Variants in MYH8 observed in about 807,000 individuals in gnomAD.
MYH8 encodes myosin-8.
In MYH8, 168 loss-of-function variants were observed where a neutral mutation model predicts 233.2. The ratio of observed to expected loss-of-function variants is 0.72; its 90% confidence interval spans 0.64 to 0.82. The LOEUF (loss-of-function observed/expected upper bound fraction) is 0.82. Ranked by LOEUF, MYH8 falls within the 40% of genes least tolerant of loss-of-function variation. The probability of loss-of-function intolerance (pLI) is 0.00; values close to 1 mark genes in which losing one functional copy is unlikely to be tolerated. For missense variants in MYH8, 1,995 were observed against 2,327.8 expected, an observed-to-expected ratio of 0.86 and a Z score of 2.94; for synonymous variants, 785 against 850.6, an observed-to-expected ratio of 0.92 and a Z score of 1.34.
chr17:10,415,132 A>G lies in MYH8; in HGVS notation c.789T>C (p.Ser263=), dbSNP rs1412084273. 1 of 1,613,024 alleles carries G rather than the reference A, an allele frequency of 6.2e-7. No individual in the cohort carries two copies. The highest frequency in any genetic ancestry group is 1.7e-5 in the Admixed American group (1 of 60,012). The part of the protein sequence containing the change: ...IHFGTTGKLA[S]ADIETYLLEK... ...GTTACTCACATGTTTCTATATCAGCAGATGCCAGCTTCCCTGTAGTACCAA... is the reference window on the plus strand; with the variant it reads ...GTTACTCACATGTTTCTATATCAGCGGATGCCAGCTTCCCTGTAGTACCAA... The change falls in exon 9 of 40, where the codon TCT becomes TCC. Residue 263 remains serine (S), a synonymous_variant. Coordinates refer to ENST00000403437, the MANE Select transcript of MYH8 (RefSeq NM_002472.3). This position sits in a 1 kb window ranked among gnomAD's most constrained non-coding sequence, Gnocchi z 4.1.
intron 5 of MYH8, among the ~76,000 whole-genome samples, chr17:10,416,033 C>T (rs1198886793): frequency 6.6e-6 from 1 of 152,044 alleles, no homozygotes; most frequent in Non-Finnish European, 1.5e-5. Context: ...GTAAAATCAT[C>T]ATCACCCTTC....
Position 10,390,583 on chromosome 17 carries a change from A to G in MYH8, c.5685T>C (p.Asn1895=), listed in dbSNP as rs745687127. 5.0e-6 allele frequency: 8 copies of G among 1,614,134 alleles called. No homozygotes were observed. In the South Asian group the frequency reaches 7.7e-5, roughly 16 times the overall value. ...GCTGGAGTTTGCGGAATTTAGATAGATTAGCATTGGATTGTTCCTCCTAAG... is the reference window on the plus strand; with the variant it reads ...GCTGGAGTTTGCGGAATTTAGATAGGTTAGCATTGGATTGTTCCTCCTAAG... ...AEEAEEQSNA[N]LSKFRKLQHE... Residue 1895 remains asparagine, a synonymous_variant, in exon 40 of 40, where the codon AAT becomes AAC. Transcript: ENST00000403437.
rs749257514 is a variant in MYH8, at chr17:10,412,643, A to C, written c.1233T>G (p.Asn411Lys). 1 of 1,614,120 alleles carries C rather than the reference A, an allele frequency of 6.2e-7. No individual in the cohort carries two copies. The highest frequency in any genetic ancestry group is 1.3e-5 in the African/African-American group (1 of 74,942). The change falls in exon 13 of 40, where the codon AAT becomes AAG. Residue 411 changes from asparagine to lysine, a missense_variant. Physicochemically the swap from Asn to Lys is moderately conservative, Grantham distance 94. Around this residue, in one of 3 missense-constraint regions of MYH8, gnomAD observed 479 missense variants for 600.9 expected, o/e 0.80. Transcript: ENST00000403437. ...CAGTCTGGCCTTTGGTGACATACTC[A>C]TTGCCAACCTTGACCCTAGGGTAGC... ...ALCYPRVKVG[N>K]EYVTKGQTVQ...
chr17:10,404,644 C>A (rs1379278121), intron 21 of MYH8, 59 bp from the exon 22 acceptor site: 1 of 1,601,200 alleles, frequency 6.2e-7, no homozygotes, highest in African/African-American at 1.3e-5. Context: ...GTTATTGTTA[C>A]TTATCACACA....
At chr17:10,394,062 C>T (rs1021226766) in intron 35 of MYH8, among the ~76,000 whole-genome samples, 187 bp downstream of exon 35, 28 of 71,776 alleles carry the variant, frequency 3.9e-4, no homozygotes, top group Non-Finnish European at 6.8e-4. Flanking sequence ...GGAACACACA[C>T]CAAAAAAACA....
In MYH8 at chr17:10,401,103, T is replaced by C; in HGVS notation, c.3197A>G (p.Gln1066Arg). 1 of 1,614,248 alleles carries C rather than the reference T, an allele frequency of 6.2e-7. No homozygotes were observed. Among genetic ancestry groups the C allele is most frequent in the East Asian group, 2.2e-5 (1 of 44,888 alleles). ...ATTTTCCATATCCATTGTGGATTCT[T>C]GGGCCAATTTGAGGTCACCCTCCAG... ...RKLEGDLKLA[Q>R]ESTMDMENDK... Residue 1066 changes from glutamine to arginine, a missense_variant, in exon 25 of 40, where the codon CAA (glutamine) becomes CGA (arginine). Around this residue, in one of 3 missense-constraint regions of MYH8, gnomAD observed 1,498 missense variants for 1,680.9 expected, o/e 0.89. Transcript: ENST00000403437.
At chr17:10,405,760 T>C (rs779080362) in intron 21 of MYH8, among the ~76,000 whole-genome samples, 7 of 152,114 alleles carry the variant, frequency 4.6e-5, no homozygotes, top group Non-Finnish European at 1.0e-4. Context: ...AGGTGGGGAA[T>C]AGAGAGGGCC....
intron 12 of MYH8, among the ~76,000 whole-genome samples, chr17:10,413,445 A>G (rs188080468): frequency 2.6e-5 from 4 of 152,240 alleles, no homozygotes; most frequent in Admixed American, 2.6e-4. Flanking sequence ...CTTGCTGCCT[A>G]TATTGTCTAT....
intron 37 of MYH8, 63 bp downstream of exon 37, chr17:10,392,768 G>A: frequency 1.2e-6 from 2 of 1,614,078 alleles, no homozygotes; most frequent in Non-Finnish European, 1.7e-6. Context: ...TGTGTAGGAA[G>A]AGAGAAGGGT....
chr17:10,394,564 G>A (rs1246201122), intron 34 of MYH8, 112 bp from the exon 35 acceptor site: 1 of 1,311,154 alleles, frequency 7.6e-7, no homozygotes, highest in Non-Finnish European at 1.1e-6. Context: ...ACATATGCCT[G>A]TCATTTGAAT....
intron 35 of MYH8, among the ~76,000 whole-genome samples, chr17:10,393,603 T>A (rs2072049677): frequency 1.3e-5 from 2 of 152,242 alleles, no homozygotes; most frequent in Non-Finnish European, 2.9e-5. Flanking sequence ...TCTCTCTGAA[T>A]TTTTATGATT....
rs148707844 is a variant in MYH8, at chr17:10,409,163, A to G, written c.1899T>C (p.Asp633=). 1.5e-4 allele frequency: 240 copies of G among 1,614,088 alleles called. 1 individual carries two copies. The highest frequency in any genetic ancestry group is 3.5e-5 in the Non-Finnish European group (41 of 1,180,034). Reference sequence around the variant, plus strand: ...TCTTAGCACCTTTCTTCGCGCTGCTATCTGAGGTAAAAAGAAAACCCGTGA... The same window carrying G: ...TCTTAGCACCTTTCTTCGCGCTGCTGTCTGAGGTAAAAAGAAAACCCGTGA... ...LFSTYASAEA[D]SSAKKGAKKK... Residue 633 remains aspartate (D), a splice_region_variant and synonymous_variant, in exon 17 of 40, where the codon GAT becomes GAC. Transcript: ENST00000403437.
chr17:10,420,220 G>T lies in MYH8; in HGVS notation c.8C>A (p.Ala3Glu). The part of the protein sequence containing the change: MS[A>E]SSDAEMAVFG... ...AACAGCCATCTCAGCGTCTGAGCTC[G>T]CACTCATGGCTGCGATTTATTTAGC... Residue 3 changes from alanine to glutamate, a missense_variant, in exon 3 of 40, where the codon GCG becomes GAG. Ala to Glu is a moderately radical substitution (Grantham distance 107). Around this residue, in one of 3 missense-constraint regions of MYH8, gnomAD observed 479 missense variants for 600.9 expected, o/e 0.80. Transcript: ENST00000403437. 16 of 1,613,040 alleles carry T rather than the reference G, an allele frequency of 9.9e-6. No homozygotes were observed. Among genetic ancestry groups the T allele is most frequent in the Non-Finnish European group, 1.3e-5 (15 of 1,180,040 alleles).
intron 22 of MYH8, 25 bp downstream of exon 22, chr17:10,404,305 T>A: frequency 6.2e-7 from 1 of 1,613,848 alleles, no homozygotes; most frequent in South Asian, 1.1e-5. Flanking sequence ...AGTAACATGG[T>A]GCATTCAGAA....
rs2072011910 is a variant in MYH8, at chr17:10,390,628, G to T, written c.5665-25C>A. The T allele has an allele frequency of 3.1e-6, 5 of 1,612,212 alleles. No individual in the cohort carries two copies. The East Asian group carries it at 1.1e-4, about 36-fold the overall frequency. On this transcript the variant is annotated intron_variant, in intron 39 of 39. Coordinates refer to ENST00000403437, the MANE Select transcript of MYH8 (RefSeq NM_002472.3). The stretch of plus-strand genomic sequence containing the variant: ...CCTAAGAATAGAGATAAAATTGTGA[G>T]AATTAGACTGTGTGGTTCTCATTGC...
Position 10,392,643 on chromosome 17 carries a change from G to GT in MYH8, c.5466dup (p.Arg1823ThrfsTer2). 5 of 1,614,050 alleles carry GT rather than the reference G, an allele frequency of 3.1e-6. No individual in the cohort carries two copies. The highest frequency in any genetic ancestry group is 4.2e-6 in the Non-Finnish European group (5 of 1,180,008). On this transcript the variant is annotated frameshift_variant, in exon 38 of 40. Coordinates refer to ENST00000403437, the MANE Select transcript of MYH8 (RefSeq NM_002472.3). LOFTEE classifies it high-confidence loss of function. ...TTTTCAACCTCTCCTTCAAGCTCACGTACCTGCAGCCAAGAAAAATACTTA... is the reference window on the plus strand; with the variant it reads ...TTTTCAACCTCTCCTTCAAGCTCACGTTACCTGCAGCCAAGAAAAATACTTA...
At position 10,404,678 on chromosome 17, in the gene MYH8, C is replaced by T. The variant is rs116711282; in HGVS notation, c.2433-93G>A. ...CACAAATTTCCCTTTTAATGAATGC[C>T]GCTCACAAATAAATATGTCACATTC... is the stretch of plus-strand genomic sequence containing the variant. On this transcript the variant is annotated intron_variant, in intron 21 of 39. Transcript: ENST00000403437. The T allele has an allele frequency of 3.7e-4, 531 of 1,439,256 alleles. 2 individuals carry two copies. In the African/African-American group the frequency reaches 6.4e-3, roughly 17 times the overall value. The allele number at this position is 1,439,256 out of a possible 1,614,324, so 89.2% of individuals were successfully genotyped here.
rs377372606 is a variant in MYH8 at position 10,409,157 on chromosome 17, G to A, written c.1905C>T (p.Ser635=). 6.6e-5 allele frequency: 106 copies of A among 1,614,018 alleles called. No individual in the cohort carries two copies. The highest frequency in any genetic ancestry group is 7.3e-5 in the Non-Finnish European group (86 of 1,180,036). Reference sequence around the variant, plus strand: ...CCTTTTTCTTAGCACCTTTCTTCGCGCTGCTATCTGAGGTAAAAAGAAAAC... The same window carrying A: ...CCTTTTTCTTAGCACCTTTCTTCGCACTGCTATCTGAGGTAAAAAGAAAAC... ...STYASAEADS[S]AKKGAKKKGS... The change falls in exon 17 of 40, where the codon AGC becomes AGT. Residue 635 remains serine (S), a synonymous_variant. Coordinates refer to ENST00000403437, the MANE Select transcript of MYH8 (RefSeq NM_002472.3).
Position 10,412,384 on chromosome 17 carries a change from A to G in MYH8, c.1402T>C (p.Phe468Leu), listed in dbSNP as rs1157145036. 6.2e-7 allele frequency: 1 copy of G among 1,614,070 alleles called. No individual in the cohort carries two copies. Among genetic ancestry groups the G allele is most frequent in the Non-Finnish European group, 8.5e-7 (1 of 1,180,036 alleles). ...YFIGVLDIAG[F>L]EIFDFNSLEQ... ...ATATAACTCACATCAAAGATTTCAA[A>G]GCCAGCAATGTCCAAGACCCCGATG... Residue 468 changes from phenylalanine (F) to leucine (L), a missense_variant, in exon 14 of 40, where the codon TTT (phenylalanine) becomes CTT (leucine). By Grantham distance (22) the Phe-to-Leu change is conservative. Coordinates refer to ENST00000403437, the MANE Select transcript of MYH8 (RefSeq NM_002472.3).
Sources: gnomAD v4.1 joint callset for allele counts (sites outside exome capture counted in the v4.1 genomes callset) on GRCh38, gnomAD v4.1.1 for gene constraint, gnomAD v4.1.1 regional missense constraint, Gnocchi (gnomAD v3.1) non-coding constraint, MANE v1.5 for transcripts, NCBI Gene and HGNC (gene_info 2026-07-23, HGNC 2026-07-21) for gene names.